Variants in GAS7 observed in about 807,000 individuals in gnomAD.
The protein encoded by GAS7 is growth arrest specific 7, also known as growth arrest-specific protein 7.
Under a neutral mutation model 71.1 loss-of-function variants are expected in GAS7, and 28 were observed. The observed-to-expected ratio is 0.39, with a 90% CI of 0.29 to 0.54. The LOEUF is 0.54. GAS7 is among the 20% of genes least tolerant of loss of function. The pLI is 0.62. For missense variants in GAS7, 436 were observed against 627.8 expected, an observed-to-expected ratio of 0.69 and a Z score of 3.27; for synonymous variants, 258 against 245.8, an observed-to-expected ratio of 1.05 and a Z score of -0.46.
At chr17:10,080,987 T>TA (rs2073451197) in intron 1 of GAS7, among the ~76,000 whole-genome samples, 1 of 152,192 alleles carries the variant, frequency 6.6e-6, no homozygotes, top group African/African-American at 2.4e-5. Flanking sequence ...AGGGATTTTT[T>TA]AAAATAAGTA....
chr17:10,118,754 A>C (rs1020219582), intron 1 of GAS7, among the ~76,000 whole-genome samples: 9 of 149,048 alleles, frequency 6.0e-5, no homozygotes, highest in Non-Finnish European at 8.9e-5. Flanking sequence ...GGCTGTCTTA[A>C]CTTATCAGGG....
chr17:10,114,603 C>T (rs2073842872), intron 1 of GAS7: 2 of 152,076 alleles, frequency 1.3e-5, no homozygotes, highest in Non-Finnish European at 2.9e-5. Context: ...ACACCACACA[C>T]CAGCCAGCAT....
At chr17:10,044,944 C>G (rs901413439) in intron 1 of GAS7, among the ~76,000 whole-genome samples, 1 of 149,946 alleles carries the variant, frequency 6.7e-6, no homozygotes, top group Non-Finnish European at 1.5e-5. Context: ...ATCCCAGCTA[C>G]TAGGGAGGCT....
At chr17:10,015,685 T>C (rs2071965943) in intron 2 of GAS7, among the ~76,000 whole-genome samples, 1 of 152,198 alleles carries the variant, frequency 6.6e-6, no homozygotes, top group African/African-American at 2.4e-5. Context: ...AGATAGCTGC[T>C]TTCCTTCTCC....
intron 1 of GAS7, among the ~76,000 whole-genome samples, chr17:10,061,980 G>A (rs543127697): frequency 4.1e-4 from 63 of 152,200 alleles, no homozygotes; most frequent in African/African-American, 1.4e-3. Flanking sequence ...CAGGACCGCC[G>A]CCCACAACAA....
rs558030549 is a variant in GAS7 at position 10,103,272 on chromosome 17, G to T, written c.184-83375C>A. Among the ~76,000 whole-genome samples, 11 of 152,146 alleles carry T rather than the reference G, an allele frequency of 7.2e-5. No individual in the cohort carries two copies. Among genetic ancestry groups the T allele is most frequent in the African/African-American group, 2.4e-4 (10 of 41,534 alleles). On this transcript the variant is annotated intron_variant, in intron 1 of 13. Transcript: ENST00000432992. This position sits in a 1 kb window ranked among gnomAD's most constrained non-coding sequence, Gnocchi z 5.5. ...GGTGGGAGAATCACCTGAGCCTGGG[G>T]AGTAGAGGCTGCAGTGAGAGCTGTG...
chr17:9,922,637 G>A (rs186822686), intron 11 of GAS7, among the ~76,000 whole-genome samples: 29 of 152,248 alleles, frequency 1.9e-4, no homozygotes, highest in African/African-American at 6.3e-4. Flanking sequence ...ATGAGAGACC[G>A]TATTATCTGA....
At chr17:10,133,108 T>TCATATATATATATATATATATATATA in intron 1 of GAS7, among the ~76,000 whole-genome samples, 1 of 124,226 alleles carries the variant, frequency 8.0e-6, no homozygotes, top group African/African-American at 3.0e-5. Context: ...TATAATTAGA[T>TCATATATATATATATATATATATATA]TATATATTTT....
intron 5 of GAS7, among the ~76,000 whole-genome samples, chr17:9,957,331 C>G (rs112806919): frequency 2.0e-5 from 3 of 152,166 alleles, no homozygotes; most frequent in East Asian, 1.9e-4. Context: ...CAGCAGGAAG[C>G]GACAGGGAAG....
At position 9,959,317 on chromosome 17, in the gene GAS7, C is replaced by G. The variant is rs972587653; in HGVS notation, c.472-62G>C. 5.0e-6 allele frequency: 8 copies of G among 1,610,694 alleles called. No individual in the cohort carries two copies. Among genetic ancestry groups the G allele is most frequent in the Non-Finnish European group, 6.8e-6 (8 of 1,178,336 alleles). On this transcript the variant is annotated intron_variant, in intron 4 of 13. Transcript: ENST00000432992. This position sits in a 1 kb window ranked among gnomAD's most constrained non-coding sequence, Gnocchi z 5.0. ...CTCCATATTGGACATTTTTTCCCCC[C>G]ATTCAGGTTCCCTGAGGGTGGAGGC...
chr17:10,165,018 C>T (rs1301758503), intron 1 of GAS7, among the ~76,000 whole-genome samples: 11 of 151,484 alleles, frequency 7.3e-5, no homozygotes, highest in South Asian at 4.2e-4. Context: ...GGCGTGGTGG[C>T]GAGCGCCTGT....
chr17:10,036,226 CTT>C (rs934973199), intron 1 of GAS7, among the ~76,000 whole-genome samples: 3 of 146,592 alleles, frequency 2.0e-5, no homozygotes, highest in South Asian at 2.1e-4. Flanking sequence ...TGACCCACGT[CTT>C]TTTTTTTTTT....
At chr17:10,018,727 G>T (rs2072139748) in intron 2 of GAS7, among the ~76,000 whole-genome samples, 1 of 152,122 alleles carries the variant, frequency 6.6e-6, no homozygotes, top group African/African-American at 2.4e-5. Context: ...CTGTCACTAG[G>T]ACCCCCTCCT....
In GAS7 at chr17:10,103,516, A is replaced by G. The variant is rs2073726830; in HGVS notation, c.184-83619T>C. On this transcript the variant is annotated intron_variant, in intron 1 of 13. Coordinates refer to ENST00000432992, the MANE Select transcript of GAS7 (RefSeq NM_201433.2). The surrounding 1 kb of genome is among the most constrained non-coding windows in gnomAD (Gnocchi z 5.5). ...GATGATGGGAAATGTTTTCTCTCAC[A>G]CTTCACTTAGAAAGATAGGAACAAC... is the stretch of plus-strand genomic sequence containing the variant. Among the ~76,000 whole-genome samples, 1 of 152,002 alleles carries G rather than the reference A, an allele frequency of 6.6e-6. No individual in the cohort carries two copies. The highest frequency in any genetic ancestry group is 2.4e-5 in the African/African-American group (1 of 41,378).
chr17:9,971,233 T>C (rs960804337), intron 3 of GAS7, among the ~76,000 whole-genome samples: 25 of 151,814 alleles, frequency 1.6e-4, no homozygotes, highest in African/African-American at 5.6e-4. Context: ...CCCATCTCTA[T>C]TTTTAAAAAT....
At chr17:10,019,634 A>G in intron 2 of GAS7, 143 bp downstream of exon 2, 1 of 768,634 alleles carries the variant, frequency 1.3e-6, no homozygotes, top group South Asian at 1.9e-5. Context: ...GGGAGGAGTA[A>G]GACTTTACTG....
At position 10,157,193 on chromosome 17, in the gene GAS7, C is replaced by T. The variant is rs543219347; in HGVS notation, c.183+41015G>A. ...GGAGGAAACACCCACGGCTTACAAACCCGCAGCAAACCCAGAGTCCTCAGC... is the reference window on the plus strand; with the variant it reads ...GGAGGAAACACCCACGGCTTACAAATCCGCAGCAAACCCAGAGTCCTCAGC... On this transcript the variant is annotated intron_variant, in intron 1 of 13. Coordinates refer to ENST00000432992, the MANE Select transcript of GAS7 (RefSeq NM_201433.2). Among the ~76,000 whole-genome samples the T allele has an allele frequency of 2.6e-5, 4 of 152,264 alleles. No individual in the cohort carries two copies. The East Asian group carries it at 7.7e-4, about 29-fold the overall frequency.
At chr17:9,921,971 A>G (rs1283643922) in intron 11 of GAS7, among the ~76,000 whole-genome samples, 2 of 151,972 alleles carry the variant, frequency 1.3e-5, no homozygotes, top group Non-Finnish European at 2.9e-5. Context: ...AAAAAAAAAA[A>G]AAAAAGCCTT....
chr17:9,972,680 A>G (rs1055464425), intron 3 of GAS7, among the ~76,000 whole-genome samples: 5 of 152,260 alleles, frequency 3.3e-5, no homozygotes, highest in African/African-American at 1.2e-4. Context: ...ATAAATGGCA[A>G]AAGGTATAAA....
Sources: allele counts gnomAD v4.1 joint callset (sites outside exome capture counted in the v4.1 genomes callset), GRCh38; gene constraint gnomAD v4.1.1; non-coding constraint Gnocchi (gnomAD v3.1); transcripts MANE v1.5; gene names NCBI Gene and HGNC (gene_info 2026-07-23, HGNC 2026-07-21).